The following FNIP1 variants were observed in gnomAD, a reference collection of about 807,000 sequenced individuals.
The protein encoded by FNIP1 is folliculin interacting protein 1.
In FNIP1, 40 loss-of-function variants were observed where a neutral mutation model predicts 124.5. The observed-to-expected ratio is 0.32, with a 90% CI of 0.25 to 0.42. The LOEUF (loss-of-function observed/expected upper bound fraction) is 0.42. Ranked by LOEUF, FNIP1 falls within the 10% of genes least tolerant of loss-of-function variation. FNIP1 has a pLI of 1.00. For missense variants in FNIP1, 1,176 were observed against 1,403.7 expected (o/e 0.84, Z 2.59); for synonymous variants, 472 against 470.6 (o/e 1.00, Z -0.04).
intron 11 of FNIP1, among the ~76,000 whole-genome samples, chr5:131,687,542 T>C (rs1475872502): frequency 6.6e-6 from 1 of 152,254 alleles, no homozygotes; most frequent in Non-Finnish European, 1.5e-5. Context: ...GTCATTATTC[T>C]TGTTCTCAGA....
At chr5:131,660,220 T>C (rs1485928687) in intron 15 of FNIP1, among the ~76,000 whole-genome samples, 1 of 152,046 alleles carries the variant, frequency 6.6e-6, no homozygotes, top group African/African-American at 2.4e-5. Flanking sequence ...GTTTAAATGA[T>C]AATAGGCCTT....
intron 1 of FNIP1, among the ~76,000 whole-genome samples, chr5:131,794,727 G>A (rs1262143783): frequency 2.0e-5 from 3 of 152,192 alleles, no homozygotes; most frequent in Non-Finnish European, 2.9e-5. Flanking sequence ...GAGCCCAGGA[G>A]GTTGACAGTG....
At chr5:131,788,659 C>T (rs1028639082) in intron 1 of FNIP1, among the ~76,000 whole-genome samples, 1 of 148,412 alleles carries the variant, frequency 6.7e-6, no homozygotes, top group East Asian at 2.0e-4. Context: ...CGGGATTGTG[C>T]CACTGCACTC....
chr5:131,765,983 T>C (rs1029638657), intron 1 of FNIP1, among the ~76,000 whole-genome samples: 1 of 152,242 alleles, frequency 6.6e-6, no homozygotes, highest in African/African-American at 2.4e-5. Flanking sequence ...TTGCATACTA[T>C]TGAGGATGCC....
In FNIP1 at chr5:131,655,842, C is replaced by T. The variant is rs182241651; in HGVS notation, c.3109-3843G>A. On this transcript the variant is annotated intron_variant, in intron 15 of 17. Transcript: ENST00000510461. ...CTGACGCAGGAGAATGGCGTGAACC[C>T]GGGAGGTGGAGCTTGCAGTGAACCA... Among the ~76,000 whole-genome samples, 210 of 151,834 alleles carry T rather than the reference C, an allele frequency of 1.4e-3. 1 individual carries two copies. The highest frequency in any genetic ancestry group is 0.012 in the Admixed American group (184 of 15,222).
intron 3 of FNIP1, among the ~76,000 whole-genome samples, chr5:131,721,498 T>C (rs1769658647): frequency 6.8e-6 from 1 of 147,870 alleles, no homozygotes; most frequent in Non-Finnish European, 1.5e-5. Flanking sequence ...CCACAATTTT[T>C]TTTTTAAAGA....
intron 5 of FNIP1, among the ~76,000 whole-genome samples, chr5:131,718,594 T>C (rs1769548853): frequency 6.6e-6 from 1 of 152,238 alleles, no homozygotes. Flanking sequence ...ATATGTGCAA[T>C]ATCAGTATGG....
chr5:131,670,716 G>C, intron 14 of FNIP1, 85 bp from the exon 15 acceptor site: 1 of 1,027,778 alleles, frequency 9.7e-7, no homozygotes, highest in Non-Finnish European at 1.4e-6. Flanking sequence ...AATTCTACTT[G>C]TCCATATTTT....
intron 2 of FNIP1, 67 bp from the exon 3 acceptor site, chr5:131,731,105 T>C: frequency 6.9e-7 from 1 of 1,451,018 alleles, no homozygotes; most frequent in South Asian, 1.4e-5. Context: ...TTCATCAAAG[T>C]ATAAAAACCT....
At position 131,719,318 on chromosome 5, in the gene FNIP1, G is replaced by C; in HGVS notation, c.454C>G (p.Arg152Gly). 1.3e-6 allele frequency: 2 copies of C among 1,598,324 alleles called. No homozygotes were observed. The highest frequency in any genetic ancestry group is 1.7e-6 in the Non-Finnish European group (2 of 1,175,998). The change falls in exon 4 of 18, where the codon CGT becomes GGT. Residue 152 changes from arginine to glycine, a missense_variant and splice_region_variant. Physicochemically the swap from Arg to Gly is moderately radical, Grantham distance 125 (BLOSUM62 -2). This residue lies in a region of FNIP1 where 1,109 missense variants were observed against 1,288.5 expected (regional missense o/e 0.86). Coordinates refer to ENST00000510461, the MANE Select transcript of FNIP1 (RefSeq NM_133372.3). ...KGSTLKIHQI[R>G]SPPQLMLSKV... ...AAAAAAAATCAGAAAACCTCTCACC[G>C]AATCTGATGAATTTTTAAGGTGGAT...
chr5:131,725,400 T>G (rs543684397), intron 3 of FNIP1, among the ~76,000 whole-genome samples: 1 of 152,322 alleles, frequency 6.6e-6, no homozygotes, highest in African/African-American at 2.4e-5. Context: ...TAGTTCTCCT[T>G]GAAGAGGTCC....
At chr5:131,703,253 A>G (rs1178274913) in intron 10 of FNIP1, among the ~76,000 whole-genome samples, 2 of 152,168 alleles carry the variant, frequency 1.3e-5, no homozygotes, top group African/African-American at 2.4e-5. Context: ...TTCAATCACT[A>G]AAGTGGTTTG....
chr5:131,794,883 C>G (rs1342881812), intron 1 of FNIP1, among the ~76,000 whole-genome samples: 1 of 152,234 alleles, frequency 6.6e-6, no homozygotes. Context: ...TAGGCTACAA[C>G]AGAGCATGAG....
chr5:131,759,603 C>G (rs894824459), intron 1 of FNIP1, among the ~76,000 whole-genome samples: 1 of 152,138 alleles, frequency 6.6e-6, no homozygotes, highest in African/African-American at 2.4e-5. Context: ...ACAACAGATG[C>G]TGGTGAGGCC....
intron 13 of FNIP1, among the ~76,000 whole-genome samples, chr5:131,675,928 C>T (rs1187798927): frequency 6.6e-6 from 1 of 152,150 alleles, no homozygotes; most frequent in African/African-American, 2.4e-5. Flanking sequence ...GGCATGATCT[C>T]GGCTCATTGC....
chr5:131,786,211 A>G (rs1772211064), intron 1 of FNIP1, among the ~76,000 whole-genome samples: 1 of 152,334 alleles, frequency 6.6e-6, no homozygotes, highest in African/African-American at 2.4e-5. Flanking sequence ...ATTTTTATTC[A>G]TTTGTTCATT....
intron 13 of FNIP1, among the ~76,000 whole-genome samples, chr5:131,677,002 T>C (rs907131840): frequency 2.0e-5 from 3 of 152,004 alleles, no homozygotes; most frequent in African/African-American, 4.8e-5. Context: ...AGCAACAGAG[T>C]AGGAGCAGAG....
chr5:131,677,953 G>A, intron 12 of FNIP1, 81 bp from the exon 13 acceptor site: 3 of 1,456,942 alleles, frequency 2.1e-6, no homozygotes, highest in Non-Finnish European at 1.9e-6. Context: ...AGTAAGCAAG[G>A]GGAGTATATA....
At chr5:131,765,691 C>T (rs898840076) in intron 1 of FNIP1, among the ~76,000 whole-genome samples, 9 of 152,198 alleles carry the variant, frequency 5.9e-5, no homozygotes, top group African/African-American at 2.2e-4. Flanking sequence ...TTTATCTTTA[C>T]AGTACATAAC....
Sources: allele counts gnomAD v4.1 joint callset (sites outside exome capture counted in the v4.1 genomes callset), GRCh38; gene constraint gnomAD v4.1.1; regional missense constraint gnomAD v4.1.1; transcripts MANE v1.5; gene names NCBI Gene and HGNC (gene_info 2026-07-23, HGNC 2026-07-21).